PCDH11Y: variants seen among roughly 807,000 people sequenced by gnomAD.
PCDH11Y encodes the protein protocadherin-11 Y-linked.
For synonymous variants in PCDH11Y, 9 were observed against 83.6 expected (o/e 0.11, Z 4.87); for missense variants, 12 against 224.8 (o/e 0.05, Z 6.05).
intron 1 of PCDH11Y, among the ~76,000 whole-genome samples, chrY:5,015,126 G>A: frequency 3.0e-5 from 1 of 33,469 alleles, no homozygotes; most frequent in Admixed American, 2.8e-4. Context: ...CTACATAAAG[G>A]TGATATTTAT....
At chrY:5,185,122 T>C in intron 2 of PCDH11Y, among the ~76,000 whole-genome samples, 1 of 32,352 alleles carries the variant, frequency 3.1e-5, no homozygotes. Flanking sequence ...ATCTGTCTCC[T>C]ACGCTGGAGT....
chrY:5,188,258 C>A lies in PCDH11Y; in HGVS notation c.3129+87551C>A, dbSNP rs2052908377. On this transcript the variant is annotated intron_variant, in intron 2 of 4. Coordinates refer to the PCDH11Y transcript ENST00000400457. ...CTTCTTCTGAGCCCTCCAAGCTTTT[C>A]CAGCCTCTCCCTGTTACCCATTTCC... Among the ~76,000 whole-genome samples, 6 of 32,835 alleles carry A rather than the reference C, an allele frequency of 1.8e-4. No individual in the cohort carries two copies. In the South Asian group the frequency reaches 4.2e-3, roughly 23 times the overall value. 88.1% of individuals were successfully genotyped at this position (32,835 alleles called of 37,273 possible). A position where few individuals can be genotyped will look rare whatever the true frequency, so the allele number is the denominator to read the frequency against.
chrY:5,482,694 A>C (rs2124686027), intron 2 of PCDH11Y, among the ~76,000 whole-genome samples: 1 of 32,904 alleles, frequency 3.0e-5, no homozygotes, highest in South Asian at 6.9e-4. Flanking sequence ...TTATTCATTC[A>C]CTATGCCAGT....
intron 3 of PCDH11Y, among the ~76,000 whole-genome samples, chrY:5,536,916 T>C: frequency 3.0e-5 from 1 of 33,349 alleles, no homozygotes; most frequent in African/African-American, 1.2e-4. Context: ...TCTGTTCCAT[T>C]TGTCTATGTG....
chrY:5,477,441 C>T (rs113050538), intron 2 of PCDH11Y, among the ~76,000 whole-genome samples: 2 of 31,878 alleles, frequency 6.3e-5, no homozygotes, highest in Admixed American at 2.8e-4. Context: ...TTCGCATGGA[C>T]GTTCATCAGG....
intron 2 of PCDH11Y, among the ~76,000 whole-genome samples, chrY:5,234,393 A>G (rs2052972486): frequency 3.4e-5 from 1 of 29,661 alleles, no homozygotes; most frequent in Non-Finnish European, 8.0e-5. Flanking sequence ...ATAGGTATGC[A>G]CCACCATGCC....
At chrY:5,636,025 A>G (rs2053517377) in intron 4 of PCDH11Y, among the ~76,000 whole-genome samples, 24 of 34,366 alleles carry the variant, frequency 7.0e-4, no homozygotes, top group Non-Finnish European at 2.9e-4. Context: ...AGAGAACAGT[A>G]TCTTTCTAAC....
exon 5 of PCDH11Y, chrY:5,741,365 G>A (rs2053617272): frequency 3.2e-5 from 1 of 31,358 alleles, no homozygotes; most frequent in Non-Finnish European, 7.7e-5. Context: ...AATTAAAGGT[G>A]TTTTACTCAC....
chrY:5,672,213 C>CGT (rs765882875), intron 4 of PCDH11Y, among the ~76,000 whole-genome samples: 32 of 30,188 alleles, frequency 1.1e-3, no homozygotes, highest in Admixed American at 1.5e-3. Flanking sequence ...CTGCAATTTT[C>CGT]GTGTGTGTGT....
At chrY:5,298,906 AGT>A (rs2053078512) in intron 2 of PCDH11Y, among the ~76,000 whole-genome samples, 1 of 32,868 alleles carries the variant, frequency 3.0e-5, no homozygotes, top group Non-Finnish European at 7.5e-5. Flanking sequence ...GTGAAGTTAA[AGT>A]GAGACCAGAT....
intron 2 of PCDH11Y, among the ~76,000 whole-genome samples, chrY:5,115,446 G>C (rs2525193): frequency 1.1e-3 from 35 of 31,453 alleles, no homozygotes; most frequent in African/African-American, 4.1e-3. Flanking sequence ...AAATGTTCAC[G>C]CCAAATAGAA....
At chrY:5,574,022 G>T in intron 3 of PCDH11Y, 1 of 214,370 alleles carries the variant, frequency 4.7e-6, no homozygotes. Flanking sequence ...CTGAGATGAC[G>T]CTCACAGAGC....
intron 2 of PCDH11Y, among the ~76,000 whole-genome samples, chrY:5,190,790 C>G: frequency 3.2e-5 from 1 of 31,647 alleles, no homozygotes; most frequent in Admixed American, 3.0e-4. Flanking sequence ...ATGCTCTGAT[C>G]TGGTGAGTTT....
intron 3 of PCDH11Y, among the ~76,000 whole-genome samples, chrY:5,536,979 A>G (rs2053400997): frequency 6.1e-5 from 2 of 32,692 alleles, no homozygotes; most frequent in Admixed American, 2.8e-4. Context: ...CTTATAGTAT[A>G]AAGTCAGGTA....
At chrY:5,367,278 C>G in intron 2 of PCDH11Y, among the ~76,000 whole-genome samples, 1 of 28,977 alleles carries the variant, frequency 3.5e-5, no homozygotes, top group Admixed American at 3.3e-4. Context: ...GTATTTTTTT[C>G]TGCCATAGAT....
At chrY:5,645,865 AG>A (rs2124705596) in intron 4 of PCDH11Y, among the ~76,000 whole-genome samples, 5 of 30,243 alleles carry the variant, frequency 1.7e-4, no homozygotes, top group African/African-American at 6.5e-4. Context: ...TGTGGAGAGA[AG>A]GGAACCCTAG....
chrY:5,496,629 T>C, intron 2 of PCDH11Y, among the ~76,000 whole-genome samples: 1 of 32,155 alleles, frequency 3.1e-5, no homozygotes, highest in Non-Finnish European at 7.6e-5. Flanking sequence ...TCCTTAAAAC[T>C]GTAGATAAAT....
At chrY:5,011,140 G>T (rs2124618154) in intron 1 of PCDH11Y, among the ~76,000 whole-genome samples, 1 of 31,016 alleles carries the variant, frequency 3.2e-5, no homozygotes, top group African/African-American at 1.3e-4. Flanking sequence ...AATTCAACTA[G>T]ATTTACAATT....
At chrY:5,456,589 A>G (rs1602928382) in intron 2 of PCDH11Y, among the ~76,000 whole-genome samples, 6 of 33,976 alleles carry the variant, frequency 1.8e-4, no homozygotes, top group Admixed American at 2.7e-4. Flanking sequence ...GCCCATAAAC[A>G]GTGGATTGGT....
Sources: gnomAD v4.1 joint callset for allele counts (sites outside exome capture counted in the v4.1 genomes callset) on GRCh38, gnomAD v4.1.1 for gene constraint, MANE v1.5 for transcripts, NCBI Gene and HGNC (gene_info 2026-07-23, HGNC 2026-07-21) for gene names.